RORA: variants seen among roughly 807,000 people sequenced by gnomAD.
RORA encodes the protein RAR related orphan receptor A, also known as nuclear receptor ROR-alpha.
In RORA, 7 loss-of-function variants were observed where a neutral mutation model predicts 69.5. The ratio of observed to expected loss-of-function variants is 0.10; its 90% CI spans 0.06 to 0.19. The LOEUF (loss-of-function observed/expected upper bound fraction) is 0.19. RORA is among the 10% of genes least tolerant of loss of function. The pLI is 1.00. For synonymous variants in RORA, 261 were observed against 240.8 expected, an observed-to-expected ratio of 1.08 and a Z score of -0.78; for missense variants, 457 against 663.0, an observed-to-expected ratio of 0.69 and a Z score of 3.41.
chr15:60,709,804 A>G (rs1596145003), intron 1 of RORA, among the ~76,000 whole-genome samples: 1 of 152,252 alleles, frequency 6.6e-6, no homozygotes, highest in East Asian at 1.9e-4. Flanking sequence ...AAAGTACACA[A>G]TAAATATAAT....
intron 1 of RORA, among the ~76,000 whole-genome samples, chr15:60,746,510 G>T (rs1206000709): frequency 6.6e-6 from 1 of 151,742 alleles, no homozygotes; most frequent in African/African-American, 2.4e-5. Context: ...ATTGGAAAGG[G>T]AGAGAAAAAA....
chr15:60,807,831 C>T (rs545100345), intron 1 of RORA, among the ~76,000 whole-genome samples: 1 of 152,310 alleles, frequency 6.6e-6, no homozygotes. Context: ...GGAGAAAGTA[C>T]ACCCTGTTCA....
chr15:61,074,093 G>T (rs1484606497), intron 1 of RORA, among the ~76,000 whole-genome samples: 1 of 152,164 alleles, frequency 6.6e-6, no homozygotes, highest in African/African-American at 2.4e-5. Context: ...CAAATCCACA[G>T]GGTGTGCTTG....
chr15:60,635,062 C>T (rs1567135793), intron 2 of RORA, among the ~76,000 whole-genome samples: 1 of 152,214 alleles, frequency 6.6e-6, no homozygotes, highest in Non-Finnish European at 1.5e-5. Flanking sequence ...GGAGCACGGC[C>T]TGCCCCTCTG....
intron 1 of RORA, among the ~76,000 whole-genome samples, chr15:60,918,840 G>C (rs1891954602): frequency 6.6e-6 from 1 of 152,116 alleles, no homozygotes; most frequent in African/African-American, 2.4e-5. Flanking sequence ...TAGTCTTCAG[G>C]TCTGTTGAGC....
intron 1 of RORA, among the ~76,000 whole-genome samples, chr15:61,008,667 C>A (rs1167793584): frequency 6.6e-6 from 1 of 152,082 alleles, no homozygotes; most frequent in Non-Finnish European, 1.5e-5. Flanking sequence ...AGATGGAATT[C>A]TTTTCCTTTG....
chr15:61,151,702 G>A (rs2079399472), intron 1 of RORA, among the ~76,000 whole-genome samples: 1 of 152,254 alleles, frequency 6.6e-6, no homozygotes, highest in East Asian at 1.9e-4. Context: ...GTCTTTACCT[G>A]TAAAACGAAA....
rs1422124553 is a variant in RORA, at chr15:60,511,028, G to A, written c.820+198C>T. On this transcript the variant is annotated intron_variant, in intron 5 of 10. Transcript: ENST00000335670. This position sits in a 1 kb window ranked among gnomAD's most constrained non-coding sequence, Gnocchi z 6.4. The stretch of plus-strand genomic sequence containing the variant: ...TTTTGCCCCATTTCTAATGCTGAGA[G>A]GTCAATGCATGTATTGGATAAACCA... Among the ~76,000 whole-genome samples, 1 of 152,178 alleles carries A rather than the reference G, an allele frequency of 6.6e-6. No individual in the cohort carries two copies.
intron 1 of RORA, among the ~76,000 whole-genome samples, chr15:60,940,903 G>C (rs946039633): frequency 2.6e-5 from 4 of 152,180 alleles, no homozygotes; most frequent in African/African-American, 9.7e-5. Flanking sequence ...CTCCAGCCTG[G>C]CAGCAGAGTG....
intron 1 of RORA, among the ~76,000 whole-genome samples, chr15:60,699,517 T>C (rs2070952509): frequency 6.6e-6 from 1 of 152,228 alleles, no homozygotes; most frequent in Non-Finnish European, 1.5e-5. Context: ...AGCCAAATTC[T>C]AGCCCAAAAC....
At chr15:61,003,676 C>T (rs983354213) in intron 1 of RORA, among the ~76,000 whole-genome samples, 2 of 152,108 alleles carry the variant, frequency 1.3e-5, no homozygotes, top group South Asian at 4.1e-4. Context: ...TATTTCATGT[C>T]CTTTCAACTA....
chr15:60,556,875 T>TTC, intron 2 of RORA: 1 of 1,613,502 alleles, frequency 6.2e-7, no homozygotes, highest in African/African-American at 1.3e-5. Flanking sequence ...CAGTTTGTAC[T>TTC]TCCTTATCTT....
At chr15:60,819,769 A>ACACACACACACACACACGCG (rs1555455783) in intron 1 of RORA, among the ~76,000 whole-genome samples, 3 of 150,156 alleles carry the variant, frequency 2.0e-5, no homozygotes, top group Admixed American at 2.0e-4. Flanking sequence ...ACACACACAC[A>ACACACACACACACACACGCG]CACACACACA....
intron 1 of RORA, among the ~76,000 whole-genome samples, chr15:60,769,331 CGTCTT>C (rs2072037726): frequency 1.3e-5 from 2 of 152,122 alleles, no homozygotes; most frequent in Non-Finnish European, 2.9e-5. Context: ...CTTTTTGTCT[CGTCTT>C]TATTCACCAG....
At chr15:61,011,642 A>T (rs1003600702) in intron 1 of RORA, among the ~76,000 whole-genome samples, 2 of 152,162 alleles carry the variant, frequency 1.3e-5, no homozygotes, top group African/African-American at 4.8e-5. Context: ...GAACATAAAA[A>T]GTATTAGCTA....
intron 2 of RORA, among the ~76,000 whole-genome samples, chr15:60,551,386 G>A (rs8033552): frequency 0.16 from 24,288 of 151,846 alleles, 2,115 homozygotes; most frequent in South Asian, 0.3. Context: ...GTCCCTGCTC[G>A]GTTCCCACAT....
intron 1 of RORA, among the ~76,000 whole-genome samples, chr15:61,146,523 T>C (rs1358222349): frequency 2.0e-5 from 3 of 152,068 alleles, no homozygotes; most frequent in South Asian, 2.1e-4. Flanking sequence ...AGAAAATGGA[T>C]GCAGTTCAGC....
chr15:60,847,712 T>C (rs764492619), intron 1 of RORA: 4 of 152,290 alleles, frequency 2.6e-5, no homozygotes, highest in Non-Finnish European at 5.9e-5. Flanking sequence ...TTAATAAGTT[T>C]TCCATATTGA....
chr15:61,029,748 A>G (rs1258239009), intron 1 of RORA, among the ~76,000 whole-genome samples: 1 of 152,174 alleles, frequency 6.6e-6, no homozygotes, highest in Admixed American at 6.5e-5. Context: ...GGTGGCACCC[A>G]TGGGAGACAG....
Sources: allele counts gnomAD v4.1 joint callset (sites outside exome capture counted in the v4.1 genomes callset), GRCh38; gene constraint gnomAD v4.1.1; non-coding constraint Gnocchi (gnomAD v3.1); transcripts MANE v1.5; gene names NCBI Gene and HGNC (gene_info 2026-07-23, HGNC 2026-07-21).